The following FHIT variants were observed in gnomAD, a reference collection of about 807,000 sequenced individuals.
FHIT encodes bis(5'-adenosyl)-triphosphatase.
Under a neutral mutation model 17.9 loss-of-function variants are expected in FHIT, and 19 were observed. The observed-to-expected ratio is 1.06, with a 90% confidence interval of 0.74 to 1.56. The LOEUF is 1.56. Ranked by LOEUF, FHIT falls within the 40% of genes most tolerant of loss-of-function variation. FHIT has a pLI of 0.00. For missense variants in FHIT, 248 were observed against 189.2 expected, an observed-to-expected ratio of 1.31 and a Z score of -1.82; for synonymous variants, 81 against 69.7, an observed-to-expected ratio of 1.16 and a Z score of -0.81.
chr3:59,775,271 A>C (rs974518423), intron 8 of FHIT, among the ~76,000 whole-genome samples: 13 of 152,066 alleles, frequency 8.5e-5, no homozygotes, highest in Non-Finnish European at 4.4e-5. Flanking sequence ...CCAGGTTCAA[A>C]CCACTGCAAT....
chr3:61,031,259 T>C (rs759312066), intron 3 of FHIT, among the ~76,000 whole-genome samples: 2 of 152,186 alleles, frequency 1.3e-5, no homozygotes, highest in African/African-American at 4.8e-5. Context: ...GTTATTAAAA[T>C]TTATCACTGT....
chr3:60,748,205 C>T (rs1553715873), intron 4 of FHIT, among the ~76,000 whole-genome samples: 1 of 152,106 alleles, frequency 6.6e-6, no homozygotes, highest in Admixed American at 6.5e-5. Context: ...AGGAAGTTTG[C>T]AGGCAAGGTA....
At chr3:60,510,241 T>C (rs2034897562) in intron 5 of FHIT, among the ~76,000 whole-genome samples, 2 of 152,172 alleles carry the variant, frequency 1.3e-5, no homozygotes, top group Admixed American at 1.3e-4. Context: ...AAACCAAGCA[T>C]AGTTAAGCCA....
At chr3:60,522,376 T>C (rs1245104511) in intron 5 of FHIT, among the ~76,000 whole-genome samples, 4 of 152,112 alleles carry the variant, frequency 2.6e-5, no homozygotes, top group African/African-American at 9.7e-5. Context: ...TCCCAAAGTG[T>C]TGGGATTACA....
At chr3:60,613,981 C>A (rs1424506294) in intron 4 of FHIT, among the ~76,000 whole-genome samples, 1 of 152,002 alleles carries the variant, frequency 6.6e-6, no homozygotes, top group Non-Finnish European at 1.5e-5. Flanking sequence ...TCAAAATAAG[C>A]TTGGCAGAAA....
chr3:60,681,492 C>A (rs2040746618), intron 4 of FHIT, among the ~76,000 whole-genome samples: 1 of 152,096 alleles, frequency 6.6e-6, no homozygotes, highest in African/African-American at 2.4e-5. Flanking sequence ...CCCTGTAGAT[C>A]AAAAATTAGA....
chr3:60,850,164 T>C (rs1469123473), intron 3 of FHIT, among the ~76,000 whole-genome samples: 1 of 152,072 alleles, frequency 6.6e-6, no homozygotes, highest in Non-Finnish European at 1.5e-5. Context: ...CTGCCAGCTC[T>C]AATCTTATCT....
chr3:60,018,373 A>T (rs1267709777), intron 5 of FHIT, among the ~76,000 whole-genome samples: 1 of 152,124 alleles, frequency 6.6e-6, no homozygotes. Flanking sequence ...TTTCAACATG[A>T]GGTTTGGAGG....
intron 5 of FHIT, among the ~76,000 whole-genome samples, chr3:60,257,387 A>G (rs1042213790): frequency 6.6e-6 from 1 of 152,138 alleles, no homozygotes; most frequent in Non-Finnish European, 1.5e-5. Context: ...CATATATTAC[A>G]CTGCTTGTCC....
At chr3:61,044,311 A>G (rs1445494772) in intron 2 of FHIT, among the ~76,000 whole-genome samples, 1 of 152,204 alleles carries the variant, frequency 6.6e-6, no homozygotes, top group South Asian at 2.1e-4. Flanking sequence ...GCTGAAAACC[A>G]TGGCTCAAGA....
rs1300457815 is a variant in FHIT, at chr3:60,560,838, C to CAG, written c.-17-23860_-17-23859insCT. On this transcript the variant is annotated intron_variant, in intron 4 of 9. Transcript: ENST00000492590. ...ACACACACACACACACACACACACA[C>CAG]ACACACAGAGAGAGAGAGAGTGTGT... 6.7e-5 allele frequency among the ~76,000 whole-genome samples: 8 copies of CAG among 118,954 alleles called. No individual in the cohort carries two copies. The East Asian group carries it at 9.4e-4, about 14-fold the overall frequency. The allele number at this position is 118,954 out of a possible 152,430, so 78.0% of individuals were successfully genotyped here. A position where few individuals can be genotyped will look rare whatever the true frequency, so the allele number is the denominator to read the frequency against.
At position 60,125,712 on chromosome 3, in the gene FHIT, G is replaced by A. The variant is rs530525288; in HGVS notation, c.104-111560C>T. Among the ~76,000 whole-genome samples the A allele has an allele frequency of 1.1e-4, 17 of 151,356 alleles. No individual in the cohort carries two copies. The East Asian group carries it at 1.4e-3, about 12-fold the overall frequency. ...TACATATATATATGTACACACACAC[G>A]TATGTATATGTAATGTACTTACAAA... On this transcript the variant is annotated intron_variant, in intron 5 of 9. Coordinates refer to ENST00000492590, the MANE Select transcript of FHIT (RefSeq NM_002012.4).
At position 59,972,854 on chromosome 3, in the gene FHIT, C is replaced by G. The variant is rs190756280; in HGVS notation, c.279+38517G>C. On this transcript the variant is annotated intron_variant, in intron 7 of 9. Coordinates refer to ENST00000492590, the MANE Select transcript of FHIT (RefSeq NM_002012.4). The stretch of plus-strand genomic sequence containing the variant: ...GAAAACAGAAGCAAACCAGTATTTG[C>G]TGGCCCCTACCTAGTGCTTTCATCA... Among the ~76,000 whole-genome samples, 489 of 152,240 alleles carry G rather than the reference C, an allele frequency of 3.2e-3. 1 individual carries two copies. Among genetic ancestry groups the G allele is most frequent in the Non-Finnish European group, 4.4e-3 (302 of 68,002 alleles).
intron 2 of FHIT, among the ~76,000 whole-genome samples, chr3:61,178,055 T>C (rs1371925873): frequency 1.3e-5 from 2 of 152,208 alleles, no homozygotes; most frequent in African/African-American, 4.8e-5. Flanking sequence ...GAAGTTTTGT[T>C]TTGATTTAAA....
intron 8 of FHIT, among the ~76,000 whole-genome samples, chr3:59,781,843 T>C (rs1488715970): frequency 6.6e-6 from 1 of 152,218 alleles, no homozygotes; most frequent in Non-Finnish European, 1.5e-5. Flanking sequence ...GGGGTAACCT[T>C]GGCAAGTTGC....
At chr3:60,106,560 A>C (rs1219282470) in intron 5 of FHIT, among the ~76,000 whole-genome samples, 1 of 152,180 alleles carries the variant, frequency 6.6e-6, no homozygotes, top group Admixed American at 6.5e-5. Context: ...CTGTGATTTC[A>C]GGCACCCACT....
At chr3:60,296,384 A>C (rs993139800) in intron 5 of FHIT, among the ~76,000 whole-genome samples, 1 of 152,104 alleles carries the variant, frequency 6.6e-6, no homozygotes, top group Non-Finnish European at 1.5e-5. Context: ...ATGTGCAGCG[A>C]TATCTCAACG....
intron 5 of FHIT, among the ~76,000 whole-genome samples, chr3:60,519,692 T>A (rs1008146186): frequency 6.6e-6 from 1 of 152,182 alleles, no homozygotes; most frequent in Non-Finnish European, 1.5e-5. Flanking sequence ...AGATGAATCA[T>A]CTGTCTAAAA....
chr3:61,011,923 A>T (rs1006269202), intron 3 of FHIT, among the ~76,000 whole-genome samples: 1 of 152,184 alleles, frequency 6.6e-6, no homozygotes, highest in Admixed American at 6.5e-5. Flanking sequence ...GAAGGACCAC[A>T]AGGAAGTTTA....
Sources: gnomAD v4.1 joint callset for allele counts (sites outside exome capture counted in the v4.1 genomes callset) on GRCh38, gnomAD v4.1.1 for gene constraint, MANE v1.5 for transcripts, NCBI Gene and HGNC (gene_info 2026-07-23, HGNC 2026-07-21) for gene names.